ARHGDIA: variants seen among roughly 807,000 people sequenced by gnomAD.
The protein encoded by ARHGDIA is rho GDP-dissociation inhibitor 1.
ARHGDIA carries 9 observed loss-of-function variants against 25.0 expected under a neutral mutation model. The observed-to-expected ratio is 0.36, with a 90% CI of 0.22 to 0.63. ARHGDIA has a LOEUF of 0.63. Among genes scored for constraint, ARHGDIA ranks in the 20% least tolerant of loss-of-function variants. The pLI, the probability that ARHGDIA is intolerant of heterozygous loss-of-function variation, is 0.69. For synonymous variants in ARHGDIA, 166 were observed against 111.5 expected (o/e 1.49, Z -3.08); for missense variants, 239 against 264.3 (o/e 0.90, Z 0.66).
In ARHGDIA at chr17:81,868,519, G is replaced by T; in HGVS notation, c.*357C>A. On this transcript the variant is annotated 3_prime_UTR_variant, in exon 6 of 6. Coordinates refer to ENST00000269321, the MANE Select transcript of ARHGDIA (RefSeq NM_004309.6). Reference sequence around the variant, plus strand: ...CGCACACGTCCAGGGGCAACCACGGGGCCTGGAGAATGGCTGCTCCGCTCC... The same window carrying T: ...CGCACACGTCCAGGGGCAACCACGGTGCCTGGAGAATGGCTGCTCCGCTCC... 6.5e-7 allele frequency: 1 copy of T among 1,531,184 alleles called. No homozygotes were observed. The highest frequency in any genetic ancestry group is 1.7e-4 in the Middle Eastern group (1 of 5,960). 94.8% of individuals were successfully genotyped at this position (1,531,184 alleles called of 1,614,324 possible).
Position 81,868,593 on chromosome 17 carries a change from C to T in ARHGDIA, c.*283G>A, listed in dbSNP as rs1451310547. ...TGACGGGGAGATAGAACCTGGGGGG[C>T]ACAGAAAGGGCAGCAGAGGCCTGGC... On this transcript the variant is annotated 3_prime_UTR_variant, in exon 6 of 6. Coordinates refer to ENST00000269321, the MANE Select transcript of ARHGDIA (RefSeq NM_004309.6). 4.6e-6 allele frequency: 7 copies of T among 1,535,508 alleles called. No homozygotes were observed. Among genetic ancestry groups the T allele is most frequent in the Admixed American group, 2.0e-5 (1 of 50,990 alleles).
Position 81,869,081 on chromosome 17 carries a change from G to T in ARHGDIA, c.416-6C>A. ...CATGTAGTCAGTCTTGTCAACTGCG[G>T]CACAAGGAAGAGGGCGGTCAGCGGC... On this transcript the variant is annotated splice_region_variant and splice_polypyrimidine_tract_variant and intron_variant, in intron 5 of 5. Transcript: ENST00000269321. The T allele has an allele frequency of 6.2e-7, 1 of 1,612,824 alleles. No homozygotes were observed. Among genetic ancestry groups the T allele is most frequent in the Non-Finnish European group, 8.5e-7 (1 of 1,179,576 alleles).
rs1007497861 is a variant in ARHGDIA, at chr17:81,868,516, C to T, written c.*360G>A. ...AGACGCACACGTCCAGGGGCAACCACGGGGCCTGGAGAATGGCTGCTCCGC... is the reference window on the plus strand; with the variant it reads ...AGACGCACACGTCCAGGGGCAACCATGGGGCCTGGAGAATGGCTGCTCCGC... On this transcript the variant is annotated 3_prime_UTR_variant, in exon 6 of 6. Coordinates refer to ENST00000269321, the MANE Select transcript of ARHGDIA (RefSeq NM_004309.6). 1.0e-5 allele frequency: 16 copies of T among 1,530,448 alleles called. No homozygotes were observed. Among genetic ancestry groups the T allele is most frequent in the East Asian group, 2.5e-5 (1 of 40,806 alleles). 94.8% of individuals were successfully genotyped at this position (1,530,448 alleles called of 1,614,324 possible).
At position 81,871,302 on chromosome 17, in the gene ARHGDIA, G is replaced by A. The variant is rs970630566; in HGVS notation, c.-32C>T. On this transcript the variant is annotated 5_prime_UTR_variant, in exon 1 of 6. Coordinates refer to ENST00000269321, the MANE Select transcript of ARHGDIA (RefSeq NM_004309.6). ...CGCCCCGCCACGGCCACTCACCGGA[G>A]GGTTCGGCCGCGCGGTTCAGGATCC... is the stretch of plus-strand genomic sequence containing the variant. 2.0e-5 allele frequency: 3 copies of A among 151,846 alleles called. No homozygotes were observed. The highest frequency in any genetic ancestry group is 6.6e-5 in the Admixed American group (1 of 15,184). 9.4% of individuals were successfully genotyped at this position (151,846 alleles called of 1,614,324 possible).
At position 81,868,228 on chromosome 17, in the gene ARHGDIA, G is replaced by C; in HGVS notation, c.*648C>G. The C allele has an allele frequency of 1.2e-6, 1 of 856,392 alleles. No individual in the cohort carries two copies. Among genetic ancestry groups the C allele is most frequent in the Non-Finnish European group, 1.7e-6 (1 of 589,276 alleles). 53.0% of individuals were successfully genotyped at this position (856,392 alleles called of 1,614,324 possible). ...GGGCAGGCTGGCCAGGCACTGGTGG[G>C]CTGGGGAGCAGCAGCAGCACACCCC... On this transcript the variant is annotated 3_prime_UTR_variant, in exon 6 of 6. Coordinates refer to ENST00000269321, the MANE Select transcript of ARHGDIA (RefSeq NM_004309.6).
At chr17:81,869,481 CTG>C (rs2039201136) in intron 3 of ARHGDIA, 59 bp downstream of exon 3, 1 of 1,611,348 alleles carries the variant, frequency 6.2e-7, no homozygotes, top group Non-Finnish European at 8.5e-7. Flanking sequence ...GGCCCCCTGG[CTG>C]CACTTCCCGA....
chr17:81,868,480 C>T lies in ARHGDIA; in HGVS notation c.*396G>A, dbSNP rs762026141. ...CGTGCATCCCACACCCCAGCTCCAC[C>T]CCGGAGCAGCAGACGCACACGTCCA... On this transcript the variant is annotated 3_prime_UTR_variant, in exon 6 of 6. Transcript: ENST00000269321. 4 of 1,522,712 alleles carry T rather than the reference C, an allele frequency of 2.6e-6. No individual in the cohort carries two copies. In the South Asian group the frequency reaches 3.6e-5, roughly 14 times the overall value. The allele number at this position is 1,522,712 out of a possible 1,614,324, so 94.3% of individuals were successfully genotyped here. A position where few individuals can be genotyped will look rare whatever the true frequency, so the allele number is the denominator to read the frequency against.
chr17:81,868,758 TG>T lies in ARHGDIA; in HGVS notation c.*117del. The T allele has an allele frequency of 8.4e-7, 1 of 1,197,052 alleles. No homozygotes were observed. The highest frequency in any genetic ancestry group is 1.0e-6 in the Non-Finnish European group (1 of 952,778). 74.2% of individuals were successfully genotyped at this position (1,197,052 alleles called of 1,614,324 possible). A position where few individuals can be genotyped will look rare whatever the true frequency, so the allele number is the denominator to read the frequency against. On this transcript the variant is annotated 3_prime_UTR_variant, in exon 6 of 6. Coordinates refer to ENST00000269321, the MANE Select transcript of ARHGDIA (RefSeq NM_004309.6). The stretch of plus-strand genomic sequence containing the variant: ...GCCAGGCCAGGGAGGCGGACCAGGG[TG>T]GGAGGGGCACGGAGGGCCTGTCAGC...
rs1005607805 is a variant in ARHGDIA at position 81,868,963 on chromosome 17, G to A, written c.528C>T (p.Ser176=). Residue 176 remains serine (S), a synonymous_variant, in exon 6 of 6, where the codon AGC becomes AGT. Coordinates refer to ENST00000269321, the MANE Select transcript of ARHGDIA (RefSeq NM_004309.6). ...PKGMLARGSY[S]IKSRFTDDDK... ...CGTCGTCTGTGAAGCGGGACTTGAT[G>A]CTGTAGCTGCCCCGGGCCAGCATAC... 1.9e-6 allele frequency: 3 copies of A among 1,613,728 alleles called. No homozygotes were observed. The highest frequency in any genetic ancestry group is 2.5e-6 in the Non-Finnish European group (3 of 1,179,992).
Position 81,868,049 on chromosome 17 carries a change from G to C in ARHGDIA, c.*827C>G, listed in dbSNP as rs967323353. ...GAGGCTGTCCATCGAGGGCTCTTGG[G>C]GGGGTGTGGGCTCTGGGCACTGCCC... On this transcript the variant is annotated 3_prime_UTR_variant, in exon 6 of 6. Transcript: ENST00000269321. 7.5e-6 allele frequency: 2 copies of C among 267,314 alleles called. No homozygotes were observed. Among genetic ancestry groups the C allele is most frequent in the African/African-American group, 2.2e-5 (1 of 45,268 alleles). The allele number at this position is 267,314 out of a possible 1,614,324, so 16.6% of individuals were successfully genotyped here.
chr17:81,868,918 G>C lies in ARHGDIA; in HGVS notation c.573C>G (p.Ser191=), dbSNP rs770069943. The change falls in exon 6 of 6, where the codon TCC becomes TCG. Residue 191 remains serine, a synonymous_variant. Transcript: ENST00000269321. ...TCTTGATGGTGAGATTCCACTCCCA[G>C]GACAGGTGGTCGGTCTTGTCGTCGT... is the stretch of plus-strand genomic sequence containing the variant. The part of the protein sequence containing the change: ...FTDDDKTDHL[S]WEWNLTIKKD... 1.2e-6 allele frequency: 2 copies of C among 1,613,762 alleles called. No homozygotes were observed.
intron 1 of ARHGDIA, 55 bp from the exon 2 acceptor site, chr17:81,870,012 T>G: frequency 6.5e-7 from 1 of 1,539,186 alleles, no homozygotes; most frequent in Non-Finnish European, 8.8e-7. Context: ...GAGGCGCACT[T>G]CTGAGCAGGA....
chr17:81,869,901 C>G lies in ARHGDIA; in HGVS notation c.30G>C (p.Gln10His). 6.2e-7 allele frequency: 1 copy of G among 1,613,922 alleles called. No individual in the cohort carries two copies. MAEQEPTAE[Q>H]LAQIAAENEE... ...CGTTCTCCGCTGCAATCTGGGCCAG[C>G]TGCTCGGCTGTGGGCTCCTGCTCAG... The change falls in exon 2 of 6, where the codon CAG (glutamine) becomes CAC (histidine). Residue 10 changes from glutamine to histidine, a missense_variant. Gln to His is a conservative substitution (Grantham distance 24). Around this residue, in one of 3 missense-constraint regions of ARHGDIA, gnomAD observed 135 missense variants for 119.8 expected, o/e 1.13. Coordinates refer to ENST00000269321, the MANE Select transcript of ARHGDIA (RefSeq NM_004309.6).
Position 81,869,082 on chromosome 17 carries a change from C to T in ARHGDIA, c.416-7G>A, listed in dbSNP as rs370922867. On this transcript the variant is annotated splice_region_variant and splice_polypyrimidine_tract_variant and intron_variant, in intron 5 of 5. Coordinates refer to ENST00000269321, the MANE Select transcript of ARHGDIA (RefSeq NM_004309.6). ...ATGTAGTCAGTCTTGTCAACTGCGG[C>T]ACAAGGAAGAGGGCGGTCAGCGGCC... 10 of 1,612,670 alleles carry T rather than the reference C, an allele frequency of 6.2e-6. No individual in the cohort carries two copies. The highest frequency in any genetic ancestry group is 2.2e-5 in the East Asian group (1 of 44,822).
In ARHGDIA at chr17:81,868,588, G is replaced by A. The variant is rs562000594; in HGVS notation, c.*288C>T. On this transcript the variant is annotated 3_prime_UTR_variant, in exon 6 of 6. Transcript: ENST00000269321. ...GGGTGTGACGGGGAGATAGAACCTG[G>A]GGGGCACAGAAAGGGCAGCAGAGGC... 8 of 1,535,414 alleles carry A rather than the reference G, an allele frequency of 5.2e-6. No individual in the cohort carries two copies. The highest frequency in any genetic ancestry group is 6.1e-6 in the Non-Finnish European group (7 of 1,146,752).
chr17:81,869,729 GC>G lies in ARHGDIA; in HGVS notation c.190+11del. On this transcript the variant is annotated intron_variant, in intron 2 of 5. Transcript: ENST00000269321. ...AACGGGCGGCCACCCGGCTCCCGCAGCCCAGACTCACCTGCGGAAACGGCCA... is the reference window on the plus strand; with the variant it reads ...AACGGGCGGCCACCCGGCTCCCGCAGCCAGACTCACCTGCGGAAACGGCCA... 2 of 1,609,978 alleles carry G rather than the reference GC, an allele frequency of 1.2e-6. No homozygotes were observed. Among genetic ancestry groups the G allele is most frequent in the Non-Finnish European group, 1.7e-6 (2 of 1,178,318 alleles).
intron 4 of ARHGDIA, 22 bp from the exon 5 acceptor site, chr17:81,869,258 T>G: frequency 1.2e-6 from 2 of 1,614,046 alleles, no homozygotes; most frequent in South Asian, 2.2e-5. Context: ...GAAGCGAGGA[T>G]CAGGGAAGGT....
At position 81,868,592 on chromosome 17, in the gene ARHGDIA, G is replaced by T; in HGVS notation, c.*284C>A. 6.5e-7 allele frequency: 1 copy of T among 1,535,564 alleles called. No homozygotes were observed. Among genetic ancestry groups the T allele is most frequent in the Non-Finnish European group, 8.7e-7 (1 of 1,146,760 alleles). ...GTGACGGGGAGATAGAACCTGGGGGGCACAGAAAGGGCAGCAGAGGCCTGG... is the reference window on the plus strand; with the variant it reads ...GTGACGGGGAGATAGAACCTGGGGGTCACAGAAAGGGCAGCAGAGGCCTGG... On this transcript the variant is annotated 3_prime_UTR_variant, in exon 6 of 6. Transcript: ENST00000269321.
In ARHGDIA at chr17:81,868,691, G is replaced by C. The variant is rs530110406; in HGVS notation, c.*185C>G. 3.9e-6 allele frequency: 6 copies of C among 1,534,584 alleles called. No individual in the cohort carries two copies. The South Asian group carries it at 6.0e-5, about 15-fold the overall frequency. On this transcript the variant is annotated 3_prime_UTR_variant, in exon 6 of 6. Coordinates refer to ENST00000269321, the MANE Select transcript of ARHGDIA (RefSeq NM_004309.6). ...GAGACCGAGGAGGCTGGGCCTGTGG[G>C]TGGGGGAGGGCTGAGGAGGGGGGTC...
Sources: allele counts gnomAD v4.1 joint callset, GRCh38; gene constraint gnomAD v4.1.1; regional missense constraint gnomAD v4.1.1; transcripts MANE v1.5; gene names NCBI Gene and HGNC (gene_info 2026-07-23, HGNC 2026-07-21).